FGGY: variants seen among roughly 807,000 people sequenced by gnomAD.
FGGY encodes the protein FGGY carbohydrate kinase domain containing.
A neutral mutation model predicts 71.3 loss-of-function variants in FGGY; 72 were observed. That is an observed-to-expected ratio of 1.01 (90% confidence interval 0.84 to 1.23). The LOEUF is 1.23. FGGY is among the 50% of genes most tolerant of loss of function. The pLI is 0.00. For missense variants in FGGY, 668 were observed against 682.3 expected, an observed-to-expected ratio of 0.98 and a Z score of 0.23; for synonymous variants, 251 against 250.3, an observed-to-expected ratio of 1.00 and a Z score of -0.02.
chr1:59,613,727 T>A (rs973291922), intron 9 of FGGY, among the ~76,000 whole-genome samples: 1 of 151,768 alleles, frequency 6.6e-6, no homozygotes, highest in African/African-American at 2.4e-5. Flanking sequence ...TTTGAAAAGA[T>A]CAACAAAATT....
chr1:59,468,425 A>C (rs771498152), intron 6 of FGGY, among the ~76,000 whole-genome samples: 3 of 152,212 alleles, frequency 2.0e-5, no homozygotes, highest in Admixed American at 1.3e-4. Context: ...AGACTTTTCT[A>C]TCTTAGGAAA....
At position 59,574,152 on chromosome 1, in the gene FGGY, G is replaced by A. The variant is rs187252824; in HGVS notation, c.903+19925G>A. Among the ~76,000 whole-genome samples, 343 of 152,266 alleles carry A rather than the reference G, an allele frequency of 2.3e-3. 1 individual carries two copies. The highest frequency in any genetic ancestry group is 8.0e-3 in the African/African-American group (332 of 41,550). ...TCTCGAGACTAGAAGTTCAAAACCA[G>A]TTTCACTCAGCCAAGATCAAGTGTC... is the stretch of plus-strand genomic sequence containing the variant. On this transcript the variant is annotated intron_variant, in intron 8 of 15. Coordinates refer to ENST00000303721, the MANE Select transcript of FGGY (RefSeq NM_018291.5).
intron 4 of FGGY, among the ~76,000 whole-genome samples, chr1:59,358,415 C>A (rs141388462): frequency 1.8e-4 from 28 of 152,136 alleles, no homozygotes; most frequent in African/African-American, 5.5e-4. Context: ...AGGAGGAAGC[C>A]AAGCTCACCC....
At chr1:59,711,295 G>A (rs1047499226) in intron 14 of FGGY, among the ~76,000 whole-genome samples, 1 of 152,084 alleles carries the variant, frequency 6.6e-6, no homozygotes, top group African/African-American at 2.4e-5. Flanking sequence ...CTGTCAAGCA[G>A]TCGGGGGAAG....
Position 59,456,967 on chromosome 1 carries a change from C to G in FGGY, c.561C>G (p.Leu187=), listed in dbSNP as rs1449165737. 9 of 1,612,418 alleles carry G rather than the reference C, an allele frequency of 5.6e-6. No homozygotes were observed. Among genetic ancestry groups the G allele is most frequent in the East Asian group, 2.2e-5 (1 of 44,868 alleles). Residue 187 remains leucine (L), a synonymous_variant, in exon 6 of 16, where the codon CTC becomes CTG. Coordinates refer to ENST00000303721, the MANE Select transcript of FGGY (RefSeq NM_018291.5). The stretch of plus-strand genomic sequence containing the variant: ...ATCTCTTCTATTTTCTTAGGTCTCT[C>G]TGCTCCCTGGTGTGTAAGTGGACAT... The part of the protein sequence containing the change: ...WKATGVTARS[L]CSLVCKWTYS...
chr1:59,500,837 C>T (rs1174483673), intron 6 of FGGY, among the ~76,000 whole-genome samples: 1 of 152,064 alleles, frequency 6.6e-6, no homozygotes, highest in African/African-American at 2.4e-5. Context: ...AGCAATTAAT[C>T]CTGCCCTCCA....
At chr1:59,438,590 C>G (rs982929961) in intron 5 of FGGY, among the ~76,000 whole-genome samples, 1 of 152,176 alleles carries the variant, frequency 6.6e-6, no homozygotes, top group African/African-American at 2.4e-5. Flanking sequence ...GCAATCAAAA[C>G]TCATGTTAGT....
At chr1:59,451,045 TC>T (rs2072579385) in intron 5 of FGGY, among the ~76,000 whole-genome samples, 1 of 152,062 alleles carries the variant, frequency 6.6e-6, no homozygotes. Context: ...CCTTATTTGT[TC>T]CATCTTATTT....
chr1:59,407,930 G>A (rs1422847560), intron 5 of FGGY, among the ~76,000 whole-genome samples: 2 of 152,172 alleles, frequency 1.3e-5, no homozygotes, highest in Admixed American at 6.5e-5. Context: ...GGACCAAAAG[G>A]TTTCTCATCT....
chr1:59,690,896 C>T (rs562648930), intron 14 of FGGY, among the ~76,000 whole-genome samples: 8 of 152,338 alleles, frequency 5.3e-5, no homozygotes, highest in South Asian at 2.1e-4. Context: ...TGCTGCTTAA[C>T]GGTTCTCACT....
chr1:59,539,281 A>G (rs2095402128), intron 7 of FGGY, among the ~76,000 whole-genome samples: 1 of 152,212 alleles, frequency 6.6e-6, no homozygotes, highest in Non-Finnish European at 1.5e-5. Context: ...TAGACATCCT[A>G]AAACTTAGAT....
intron 5 of FGGY, among the ~76,000 whole-genome samples, chr1:59,415,648 C>G (rs1230408634): frequency 6.6e-6 from 1 of 152,222 alleles, no homozygotes; most frequent in African/African-American, 2.4e-5. Flanking sequence ...AGCTCCTGGG[C>G]TGCCCCTAGC....
chr1:59,304,896 T>G (rs2043228963), intron 1 of FGGY, among the ~76,000 whole-genome samples: 1 of 152,148 alleles, frequency 6.6e-6, no homozygotes, highest in Non-Finnish European at 1.5e-5. Context: ...CGGCTGCTTT[T>G]TGTTATGTTG....
intron 6 of FGGY, among the ~76,000 whole-genome samples, chr1:59,502,907 G>T (rs2094271099): frequency 6.6e-6 from 1 of 152,222 alleles, no homozygotes; most frequent in Non-Finnish European, 1.5e-5. Flanking sequence ...AAAAGATTCA[G>T]CATGTTCGGA....
At chr1:59,438,803 T>G (rs1327075853) in intron 5 of FGGY, among the ~76,000 whole-genome samples, 1 of 152,208 alleles carries the variant, frequency 6.6e-6, no homozygotes, top group Non-Finnish European at 1.5e-5. Flanking sequence ...TATCTTTTGC[T>G]TCACATTTAG....
chr1:59,477,511 C>T (rs1293677703), intron 6 of FGGY, among the ~76,000 whole-genome samples: 12 of 152,086 alleles, frequency 7.9e-5, no homozygotes, highest in African/African-American at 2.4e-4. Context: ...TCTTTGCGGG[C>T]GTGAGGAGGT....
intron 1 of FGGY, among the ~76,000 whole-genome samples, chr1:59,312,085 T>G (rs1460571672): frequency 6.6e-6 from 1 of 152,252 alleles, no homozygotes. Context: ...CTTTGCCCAC[T>G]TTTTGATGGG....
chr1:59,485,439 G>C (rs1035860478), intron 6 of FGGY, among the ~76,000 whole-genome samples: 2 of 152,170 alleles, frequency 1.3e-5, no homozygotes, highest in African/African-American at 4.8e-5. Flanking sequence ...TGGTCAGGTA[G>C]GTTAGCAGTG....
At chr1:59,650,340 T>A (rs2097145121) in intron 11 of FGGY, among the ~76,000 whole-genome samples, 1 of 134,022 alleles carries the variant, frequency 7.5e-6, no homozygotes, top group Non-Finnish European at 1.5e-5. Flanking sequence ...AGCTCCTCTT[T>A]GTACCTCTGG....
Sources: allele counts gnomAD v4.1 joint callset (sites outside exome capture counted in the v4.1 genomes callset), GRCh38; gene constraint gnomAD v4.1.1; transcripts MANE v1.5; gene names NCBI Gene and HGNC (gene_info 2026-07-23, HGNC 2026-07-21).